CALN1: variants seen among roughly 807,000 people sequenced by gnomAD.
CALN1 encodes the protein calneuron 1, also known as calcium-binding protein 8.
CALN1 carries 17 observed loss-of-function variants against 30.6 expected under a neutral mutation model. That is an observed-to-expected ratio of 0.56 (90% confidence interval 0.38 to 0.83). The LOEUF is 0.83. Among genes scored for constraint, CALN1 ranks in the 40% least tolerant of loss-of-function variants. The pLI is 0.00. For synonymous variants in CALN1, 156 were observed against 131.4 expected (o/e 1.19, Z -1.28); for missense variants, 291 against 354.9 (o/e 0.82, Z 1.45).
chr7:72,264,553 G>T (rs779380139), intron 3 of CALN1, among the ~76,000 whole-genome samples: 5 of 151,496 alleles, frequency 3.3e-5, no homozygotes, highest in African/African-American at 4.9e-5. Context: ...GAGTGCAGTG[G>T]TGCGATCATA....
chr7:72,046,104 G>C (rs1359486786), intron 4 of CALN1, among the ~76,000 whole-genome samples: 1 of 151,824 alleles, frequency 6.6e-6, no homozygotes, highest in Non-Finnish European at 1.5e-5. Context: ...CTTGAGCCCA[G>C]GAGTTTGAGA....
rs182253169 is a variant in CALN1, at chr7:71,868,741, A to C, written c.502-58249T>G. Among the ~76,000 whole-genome samples, 275 of 152,202 alleles carry C rather than the reference A, an allele frequency of 1.8e-3. 1 individual carries two copies. The highest frequency in any genetic ancestry group is 6.3e-3 in the African/African-American group (261 of 41,542). ...CCCCATGATCCAGTCACCTCCCCCC[A>C]GGTCCTACCTCCAACATTGGGGATG... On this transcript the variant is annotated intron_variant, in intron 5 of 6. Transcript: ENST00000395275.
intron 5 of CALN1, among the ~76,000 whole-genome samples, chr7:71,944,733 GAATT>G (rs1230330172): frequency 2.6e-5 from 4 of 151,770 alleles, no homozygotes; most frequent in African/African-American, 7.3e-5. Context: ...ATAAATCAGT[GAATT>G]AATACATCCG....
At chr7:71,955,719 C>A (rs1052372928) in intron 5 of CALN1, among the ~76,000 whole-genome samples, 50 of 152,138 alleles carry the variant, frequency 3.3e-4, no homozygotes, top group African/African-American at 1.2e-3. Context: ...CAATAAGCCC[C>A]TGATGTTCTG....
intron 3 of CALN1, among the ~76,000 whole-genome samples, chr7:72,254,643 A>AT (rs898363977): frequency 1.5e-4 from 23 of 150,830 alleles, no homozygotes; most frequent in Admixed American, 2.6e-4. Context: ...TTTTATTTTT[A>AT]TTTTTTTTTG....
chr7:72,200,996 C>T (rs1325661024), intron 3 of CALN1, among the ~76,000 whole-genome samples: 1 of 152,194 alleles, frequency 6.6e-6, no homozygotes, highest in Admixed American at 6.5e-5. Flanking sequence ...TTTATTGCAG[C>T]ACTATTCACA....
rs1223780967 is a variant in CALN1, at chr7:71,783,919, TA to T, written c.*3855del. On this transcript the variant is annotated 3_prime_UTR_variant, in exon 7 of 7. Transcript: ENST00000395275. ...GGCAGGTATTGAGAAAGAAGACTCA[TA>T]AGACACATCTTGTTCTCTGCAAATA... is the stretch of plus-strand genomic sequence containing the variant. 2 of 152,294 alleles carry T rather than the reference TA, an allele frequency of 1.3e-5. No individual in the cohort carries two copies. Among genetic ancestry groups the T allele is most frequent in the Admixed American group, 6.5e-5 (1 of 15,284 alleles). 9.4% of individuals were successfully genotyped at this position (152,294 alleles called of 1,614,324 possible). A position where few individuals can be genotyped will look rare whatever the true frequency, so the allele number is the denominator to read the frequency against.
At chr7:72,194,483 T>C (rs1013872039) in intron 3 of CALN1, among the ~76,000 whole-genome samples, 4 of 151,956 alleles carry the variant, frequency 2.6e-5, no homozygotes, top group African/African-American at 9.7e-5. Context: ...TGAGCCAGGA[T>C]TTCACCACTG....
intron 6 of CALN1, among the ~76,000 whole-genome samples, chr7:71,808,164 T>C (rs1203860621): frequency 2.0e-5 from 3 of 152,076 alleles, no homozygotes; most frequent in African/African-American, 7.2e-5. Flanking sequence ...GATAATACCA[T>C]AATTATTACC....
At chr7:72,290,814 G>C (rs999945499) in intron 2 of CALN1, among the ~76,000 whole-genome samples, 1 of 151,984 alleles carries the variant, frequency 6.6e-6, no homozygotes, top group African/African-American at 2.4e-5. Flanking sequence ...TTACATGACT[G>C]TATTTTCCAT....
chr7:72,289,345 T>TG (rs1323019636), intron 2 of CALN1, among the ~76,000 whole-genome samples: 2 of 152,214 alleles, frequency 1.3e-5, no homozygotes, highest in Non-Finnish European at 2.9e-5. Flanking sequence ...CTGAGGAAGC[T>TG]GGGAGGCCAA....
At chr7:72,106,698 G>GAGGAAGGGAGGGAGGGAGGA (rs1807149607) in intron 3 of CALN1, among the ~76,000 whole-genome samples, 1 of 23,156 alleles carries the variant, frequency 4.3e-5, no homozygotes, top group Non-Finnish European at 7.9e-5. Flanking sequence ...GCAAGGGAGG[G>GAGGAAGGGAGGGAGGGAGGA]AGGAAGGGAG....
chr7:72,246,006 A>G (rs1795133776), intron 3 of CALN1, among the ~76,000 whole-genome samples: 1 of 152,336 alleles, frequency 6.6e-6, no homozygotes, highest in South Asian at 2.1e-4. Context: ...CTCAGACCTA[A>G]GATGTACCCA....
chr7:71,820,960 T>C (rs1023575293), intron 5 of CALN1, among the ~76,000 whole-genome samples: 2 of 152,140 alleles, frequency 1.3e-5, no homozygotes. Flanking sequence ...TGAAGGCGAA[T>C]GGGCCATCCA....
chr7:72,166,368 G>A (rs1027031789), intron 3 of CALN1, among the ~76,000 whole-genome samples: 14 of 151,998 alleles, frequency 9.2e-5, no homozygotes, highest in African/African-American at 3.1e-4. Context: ...TGCCTATCAC[G>A]GTCTTGCTGT....
At chr7:72,368,816 T>C (rs1049751058) in intron 2 of CALN1, among the ~76,000 whole-genome samples, 3 of 143,424 alleles carry the variant, frequency 2.1e-5, no homozygotes, top group African/African-American at 8.1e-5. Context: ...ACCCTTTTTT[T>C]TTTTTTTTTT....
At chr7:72,498,536 A>T in the CALN1 span, among the ~76,000 whole-genome samples, 1 of 152,160 alleles carries the variant, frequency 6.6e-6, no homozygotes, top group East Asian at 1.9e-4. Context: ...TTTAAAGTAT[A>T]AAAAGAAAAA....
At chr7:72,312,534 G>A (rs1800125808) in intron 2 of CALN1, among the ~76,000 whole-genome samples, 1 of 152,104 alleles carries the variant, frequency 6.6e-6, no homozygotes, top group Non-Finnish European at 1.5e-5. Context: ...GCAGAAAATT[G>A]GGTTGCAGGT....
intron 4 of CALN1, among the ~76,000 whole-genome samples, chr7:72,104,977 A>G (rs1806975424): frequency 6.6e-6 from 1 of 152,134 alleles, no homozygotes; most frequent in African/African-American, 2.4e-5. Context: ...AATAAATAAA[A>G]TACAATTAAA....
Sources: allele counts gnomAD v4.1 joint callset (sites outside exome capture counted in the v4.1 genomes callset), GRCh38; gene constraint gnomAD v4.1.1; transcripts MANE v1.5; gene names NCBI Gene and HGNC (gene_info 2026-07-23, HGNC 2026-07-21).